Variants in GLI3 observed in about 807,000 individuals in gnomAD.
GLI3 encodes the protein transcription activator GLI3.
In GLI3, 20 loss-of-function variants were observed where a neutral mutation model predicts 100.8. The observed-to-expected ratio is 0.20, with a 90% CI of 0.14 to 0.29. The LOEUF (loss-of-function observed/expected upper bound fraction) is 0.29, where lower values mean the gene tolerates loss of function less well. Ranked by LOEUF, GLI3 falls within the 10% of genes least tolerant of loss-of-function variation. The pLI is 1.00. For synonymous variants in GLI3, 938 were observed against 860.5 expected (o/e 1.09, Z -1.58); for missense variants, 2,040 against 2,128.5 (o/e 0.96, Z 0.82).
intron 3 of GLI3, among the ~76,000 whole-genome samples, chr7:42,103,147 C>T (rs1785504184): frequency 6.6e-6 from 1 of 152,134 alleles, no homozygotes; most frequent in East Asian, 1.9e-4. Flanking sequence ...TTGGCTCCTC[C>T]CCATACAGCC....
chr7:42,092,255 G>A (rs570759025), intron 3 of GLI3, among the ~76,000 whole-genome samples: 45 of 152,244 alleles, frequency 3.0e-4, no homozygotes, highest in African/African-American at 9.9e-4. Flanking sequence ...ACACCAAAGC[G>A]AGCAGCTACA....
intron 2 of GLI3, among the ~76,000 whole-genome samples, chr7:42,186,704 C>T (rs1787723103): frequency 6.6e-6 from 1 of 152,192 alleles, no homozygotes; most frequent in Non-Finnish European, 1.5e-5. Flanking sequence ...CCTAGACAAA[C>T]ATCATCTTTG....
intron 3 of GLI3, among the ~76,000 whole-genome samples, chr7:42,131,666 T>C (rs182780973): frequency 1.7e-4 from 26 of 152,268 alleles, no homozygotes; most frequent in Admixed American, 5.2e-4. Flanking sequence ...CCTGACACTA[T>C]AATAGAAAAG....
chr7:42,228,364 G>A (rs1383659282), intron 1 of GLI3, among the ~76,000 whole-genome samples: 12 of 152,220 alleles, frequency 7.9e-5, no homozygotes, highest in African/African-American at 1.7e-4. Context: ...CCAGGCCGCG[G>A]GAAAAGTGAA....
chr7:41,969,760 G>C (rs1787317973), intron 13 of GLI3, among the ~76,000 whole-genome samples: 1 of 152,232 alleles, frequency 6.6e-6, no homozygotes, highest in Non-Finnish European at 1.5e-5. Context: ...TTAGGAAATT[G>C]CTTCAATGAG....
At chr7:42,113,523 G>C in intron 3 of GLI3, 1 of 1,161,660 alleles carries the variant, frequency 8.6e-7, no homozygotes, top group Non-Finnish European at 1.3e-6. Flanking sequence ...GGGAAAAAGG[G>C]AAAAGCTGAT....
Position 41,986,708 on chromosome 7 carries a change from G to C in GLI3, c.1498-7960C>G, listed in dbSNP as rs1020397689. On this transcript the variant is annotated intron_variant, in intron 10 of 14. Transcript: ENST00000395925. ...CAGCAAAAGGGTATGGGGTTTCTTT[G>C]TAGGGTAAGGAAAATGTTCTAAAAT... Among the ~76,000 whole-genome samples, 11 of 152,076 alleles carry C rather than the reference G, an allele frequency of 7.2e-5. No individual in the cohort carries two copies. In the South Asian group the frequency reaches 2.3e-3, roughly 32 times the overall value.
chr7:42,081,153 C>T (rs1474470159), intron 3 of GLI3, among the ~76,000 whole-genome samples: 1 of 152,118 alleles, frequency 6.6e-6, no homozygotes, highest in Non-Finnish European at 1.5e-5. Flanking sequence ...GCTGTGTACT[C>T]TACTGTCAGC....
intron 2 of GLI3, among the ~76,000 whole-genome samples, chr7:42,158,031 A>G (rs911998626): frequency 6.6e-6 from 1 of 152,230 alleles, no homozygotes; most frequent in Admixed American, 6.5e-5. Context: ...AAATTATATC[A>G]TTTTAATTAT....
At chr7:42,010,208 T>C (rs1460602617) in intron 10 of GLI3, among the ~76,000 whole-genome samples, 1 of 152,224 alleles carries the variant, frequency 6.6e-6, no homozygotes, top group Non-Finnish European at 1.5e-5. Flanking sequence ...CCTGCTCCTG[T>C]GCCTGCACGA....
At chr7:42,232,808 G>A (rs546183445) in intron 1 of GLI3, among the ~76,000 whole-genome samples, 1 of 152,134 alleles carries the variant, frequency 6.6e-6, no homozygotes, top group East Asian at 1.9e-4. Context: ...ACTATGTAAT[G>A]GCTTTTTCAT....
intron 10 of GLI3, among the ~76,000 whole-genome samples, chr7:41,984,735 A>G (rs1013269493): frequency 2.6e-5 from 4 of 152,274 alleles, no homozygotes; most frequent in African/African-American, 9.6e-5. Context: ...ACCAGTTTCC[A>G]GACAGCTCCC....
At chr7:42,136,432 A>G (rs1313545651) in intron 3 of GLI3, among the ~76,000 whole-genome samples, 1 of 152,200 alleles carries the variant, frequency 6.6e-6, no homozygotes, top group East Asian at 1.9e-4. Context: ...TGTGAAAACT[A>G]AAGAAGATCA....
rs71006467 is a variant in GLI3, at chr7:42,246,805, C to CTTTTTTTTTTTTTTTTTTTTTT, written c.-43+17167_-43+17188dup. ...TTAAAGGCTCATTGGATGATAGAAT[C>CTTTTTTTTTTTTTTTTTTTTTT]TTTTTTTTTTTTTTTTTTTTTTTTT... On this transcript the variant is annotated intron_variant, in intron 1 of 2. Coordinates refer to the GLI3 transcript ENST00000678978. Among the ~76,000 whole-genome samples the CTTTTTTTTTTTTTTTTTTTTTT allele has an allele frequency of 2.6e-4, 25 of 94,972 alleles. 2 individuals are homozygous for CTTTTTTTTTTTTTTTTTTTTTT. Among genetic ancestry groups the CTTTTTTTTTTTTTTTTTTTTTT allele is most frequent in the Non-Finnish European group, 4.3e-4 (21 of 49,224 alleles). The allele number at this position is 94,972 out of a possible 152,430, so 62.3% of individuals were successfully genotyped here.
At chr7:42,142,132 G>A (rs1786583421) in intron 3 of GLI3, among the ~76,000 whole-genome samples, 1 of 152,220 alleles carries the variant, frequency 6.6e-6, no homozygotes, top group Non-Finnish European at 1.5e-5. Flanking sequence ...TCCACGGTAG[G>A]AAAATATCCT....
intron 3 of GLI3, among the ~76,000 whole-genome samples, chr7:42,097,976 ATAT>A (rs1355383150): frequency 5.9e-5 from 9 of 152,334 alleles, no homozygotes; most frequent in Middle Eastern, 6.8e-3. Flanking sequence ...CCCAGGAGGC[ATAT>A]GATATTATCT....
At chr7:42,244,821 A>C (rs1788956356) in intron 1 of GLI3, among the ~76,000 whole-genome samples, 1 of 152,234 alleles carries the variant, frequency 6.6e-6, no homozygotes, top group African/African-American at 2.4e-5. Context: ...AAGCTTGCCC[A>C]AATAAGAGAG....
At chr7:42,101,146 A>G (rs776202578) in intron 3 of GLI3, among the ~76,000 whole-genome samples, 1 of 152,074 alleles carries the variant, frequency 6.6e-6, no homozygotes, top group Non-Finnish European at 1.5e-5. Context: ...GAAACAAAGA[A>G]CCTAACAACC....
intron 1 of GLI3, among the ~76,000 whole-genome samples, chr7:42,246,765 T>C (rs996284655): frequency 3.3e-5 from 5 of 151,020 alleles, no homozygotes; most frequent in Admixed American, 6.6e-5. Flanking sequence ...TTGGTAAATG[T>C]TTAGTCCTTG....
Sources: allele counts gnomAD v4.1 joint callset (sites outside exome capture counted in the v4.1 genomes callset), GRCh38; gene constraint gnomAD v4.1.1; transcripts MANE v1.5; gene names NCBI Gene and HGNC (gene_info 2026-07-23, HGNC 2026-07-21).